Variants in LDB2 observed in about 807,000 individuals in gnomAD.
The protein encoded by LDB2 is LIM domain binding 2.
LDB2 carries 12 observed loss-of-function variants against 44.3 expected under a neutral mutation model. The observed-to-expected ratio is 0.27, with a 90% CI of 0.17 to 0.44. LDB2 has a LOEUF of 0.44. LDB2 is among the 20% of genes least tolerant of loss of function. The pLI is 1.00. For synonymous variants in LDB2, 164 were observed against 174.8 expected, an observed-to-expected ratio of 0.94 and a Z score of 0.49; for missense variants, 344 against 473.5, an observed-to-expected ratio of 0.73 and a Z score of 2.54.
intron 1 of LDB2, among the ~76,000 whole-genome samples, chr4:16,772,878 T>C (rs114925529): frequency 0.022 from 3,292 of 152,226 alleles, 123 homozygotes; most frequent in African/African-American, 0.074. Context: ...TCTTACATGA[T>C]AATATAAAGT....
At chr4:16,694,442 A>T (rs1272852871) in intron 2 of LDB2, among the ~76,000 whole-genome samples, 3 of 152,240 alleles carry the variant, frequency 2.0e-5, no homozygotes, top group Non-Finnish European at 2.9e-5. Flanking sequence ...TAATCGCTGC[A>T]TTAAATGGAA....
Position 16,690,459 on chromosome 4 carries a change from C to CAGGAAGGA in LDB2, c.235+68691_235+68698dup, listed in dbSNP as rs768921074. Reference sequence around the variant, plus strand: ...CCTGGGCAACCGGAGGAAGACCCTGCAGGAAGGAAGGAAGGAAGGAAGGGA... The same window carrying CAGGAAGGA: ...CCTGGGCAACCGGAGGAAGACCCTGCAGGAAGGAAGGAAGGAAGGAAGGAAGGAAGGGA... On this transcript the variant is annotated intron_variant, in intron 2 of 7. Coordinates refer to ENST00000304523, the MANE Select transcript of LDB2 (RefSeq NM_001290.5). Among the ~76,000 whole-genome samples the CAGGAAGGA allele has an allele frequency of 4.4e-3, 219 of 50,286 alleles. 18 individuals carry two copies. The highest frequency in any genetic ancestry group is 0.014 in the African/African-American group (174 of 12,182). 33.0% of individuals were successfully genotyped at this position (50,286 alleles called of 152,430 possible).
chr4:16,584,899 A>G (rs146912001), intron 5 of LDB2, among the ~76,000 whole-genome samples: 2 of 152,346 alleles, frequency 1.3e-5, no homozygotes, highest in East Asian at 1.9e-4. Context: ...AGATCTTGCT[A>G]TAGGGTGAGT....
chr4:16,680,432 T>G (rs148541025), intron 2 of LDB2, among the ~76,000 whole-genome samples: 6 of 152,310 alleles, frequency 3.9e-5, no homozygotes, highest in African/African-American at 1.4e-4. Flanking sequence ...AGTGCTTGCC[T>G]TCTCAAAACT....
At chr4:16,558,344 C>T (rs1303900303) in intron 5 of LDB2, among the ~76,000 whole-genome samples, 1 of 152,090 alleles carries the variant, frequency 6.6e-6, no homozygotes, top group Non-Finnish European at 1.5e-5. Context: ...ACTAGAATAA[C>T]CAATACACAG....
At chr4:16,646,396 T>A (rs3763968) in intron 2 of LDB2, among the ~76,000 whole-genome samples, 15,627 of 152,256 alleles carry the variant, frequency 0.1, 1,040 homozygotes, top group East Asian at 0.29. Flanking sequence ...TAGGCTTATA[T>A]AAAAACACTT....
At chr4:16,772,084 A>G (rs1448900279) in intron 1 of LDB2, among the ~76,000 whole-genome samples, 1 of 151,898 alleles carries the variant, frequency 6.6e-6, no homozygotes, top group Non-Finnish European at 1.5e-5. Context: ...ACTACACCAC[A>G]GGGCCCTTTG....
At chr4:16,517,857 A>G (rs890299810) in intron 5 of LDB2, among the ~76,000 whole-genome samples, 1 of 151,322 alleles carries the variant, frequency 6.6e-6, no homozygotes, top group Non-Finnish European at 1.5e-5. Flanking sequence ...TTTTGTAATC[A>G]CAACAGGAAC....
At chr4:16,724,865 A>G (rs2152687947) in intron 2 of LDB2, among the ~76,000 whole-genome samples, 1 of 152,330 alleles carries the variant, frequency 6.6e-6, no homozygotes, top group Middle Eastern at 3.4e-3. Context: ...TCCCCAGTGC[A>G]CATACACATT....
chr4:16,638,284 T>C (rs1444237522), intron 2 of LDB2, among the ~76,000 whole-genome samples: 1 of 152,180 alleles, frequency 6.6e-6, no homozygotes, highest in African/African-American at 2.4e-5. Context: ...CTACTCTTTG[T>C]GGTGTTGAAT....
At chr4:16,743,638 G>A (rs1475775300) in intron 2 of LDB2, among the ~76,000 whole-genome samples, 1 of 151,950 alleles carries the variant, frequency 6.6e-6, no homozygotes, top group Non-Finnish European at 1.5e-5. Flanking sequence ...GTTGTAGAGG[G>A]GACCCCCATG....
intron 1 of LDB2, among the ~76,000 whole-genome samples, chr4:16,815,007 A>G (rs55766211): frequency 0.3 from 45,791 of 152,226 alleles, 7,139 homozygotes; most frequent in South Asian, 0.41. Flanking sequence ...GGGAAACACA[A>G]TTCTATGTAT....
chr4:16,869,160 C>T (rs1715685229), intron 1 of LDB2, among the ~76,000 whole-genome samples: 2 of 151,786 alleles, frequency 1.3e-5, no homozygotes, highest in South Asian at 4.2e-4. Context: ...TTTAATTATC[C>T]CCATTCATCA....
chr4:16,677,839 A>G (rs184190489), intron 2 of LDB2, among the ~76,000 whole-genome samples: 237 of 152,310 alleles, frequency 1.6e-3, no homozygotes, highest in Admixed American at 3.7e-3. Context: ...AATAATATTC[A>G]ATTTCTGCAT....
intron 2 of LDB2, among the ~76,000 whole-genome samples, chr4:16,601,894 C>T (rs1237481726): frequency 1.1e-4 from 16 of 151,930 alleles, no homozygotes; most frequent in Admixed American, 1.0e-3. Flanking sequence ...TGGTAAATAA[C>T]CATTATATAT....
intron 2 of LDB2, among the ~76,000 whole-genome samples, chr4:16,618,140 C>T (rs1727847587): frequency 1.3e-5 from 2 of 152,150 alleles, no homozygotes; most frequent in Non-Finnish European, 2.9e-5. Context: ...TTTCACACTA[C>T]AGTGATCCTC....
chr4:16,561,670 TC>T (rs1222489834), intron 5 of LDB2, among the ~76,000 whole-genome samples: 1 of 152,060 alleles, frequency 6.6e-6, no homozygotes, highest in Non-Finnish European at 1.5e-5. Flanking sequence ...TTCAATGCCA[TC>T]CCCATCAAGC....
intron 1 of LDB2, among the ~76,000 whole-genome samples, chr4:16,828,911 A>C (rs1345100590): frequency 6.6e-6 from 1 of 152,234 alleles, no homozygotes; most frequent in Non-Finnish European, 1.5e-5. Context: ...AATACCAAAG[A>C]AAAGTGAGCC....
At chr4:16,654,574 G>C (rs933417051) in intron 2 of LDB2, among the ~76,000 whole-genome samples, 1 of 152,178 alleles carries the variant, frequency 6.6e-6, no homozygotes, top group Non-Finnish European at 1.5e-5. Context: ...GGGACTCAAA[G>C]GAAGCCCTGG....
Sources: allele counts gnomAD v4.1 joint callset (sites outside exome capture counted in the v4.1 genomes callset), GRCh38; gene constraint gnomAD v4.1.1; transcripts MANE v1.5; gene names NCBI Gene and HGNC (gene_info 2026-07-23, HGNC 2026-07-21).